TBC1D22A: variants seen among roughly 807,000 people sequenced by gnomAD.
TBC1D22A encodes the protein putative GTPase activator.
TBC1D22A carries 38 observed loss-of-function variants against 60.2 expected under a neutral mutation model. The observed-to-expected ratio is 0.63, with a 90% confidence interval of 0.49 to 0.83. The LOEUF (loss-of-function observed/expected upper bound fraction) is 0.83. Ranked by LOEUF, TBC1D22A falls within the 40% of genes least tolerant of loss-of-function variation. The pLI is 0.00. For synonymous variants in TBC1D22A, 302 were observed against 281.7 expected (o/e 1.07, Z -0.72); for missense variants, 628 against 701.0 (o/e 0.90, Z 1.18).
In TBC1D22A at chr22:47,174,965, G is replaced by T. The variant is rs139909859; in HGVS notation, c.*1339G>T. 1 of 152,214 alleles carries T rather than the reference G, an allele frequency of 6.6e-6. No individual in the cohort carries two copies. Among genetic ancestry groups the T allele is most frequent in the Non-Finnish European group, 1.5e-5 (1 of 68,084 alleles). 9.4% of individuals were successfully genotyped at this position (152,214 alleles called of 1,614,324 possible). On this transcript the variant is annotated 3_prime_UTR_variant, in exon 13 of 13. Coordinates refer to ENST00000337137, the MANE Select transcript of TBC1D22A (RefSeq NM_014346.5). Reference sequence around the variant, plus strand: ...GCGGGCAGGGCCACAGCCACAGTCTGTCTGATCCCTGAGCCCAGGACAGGC... The same window carrying T: ...GCGGGCAGGGCCACAGCCACAGTCTTTCTGATCCCTGAGCCCAGGACAGGC...
chr22:47,005,189 A>C (rs942427928), intron 10 of TBC1D22A, among the ~76,000 whole-genome samples: 2 of 151,740 alleles, frequency 1.3e-5, no homozygotes, highest in African/African-American at 2.4e-5. Context: ...GTGCCTATAC[A>C]CACCTGCTAT....
intron 4 of TBC1D22A, among the ~76,000 whole-genome samples, chr22:46,840,440 C>CA (rs952484176): frequency 3.3e-5 from 5 of 151,964 alleles, no homozygotes; most frequent in Admixed American, 1.3e-4. Context: ...TGGCTCTTAC[C>CA]AAAAAAACAA....
At chr22:46,836,262 C>T (rs946231902) in intron 4 of TBC1D22A, among the ~76,000 whole-genome samples, 1 of 152,118 alleles carries the variant, frequency 6.6e-6, no homozygotes, top group African/African-American at 2.4e-5. Context: ...ACTGTAGCTA[C>T]AACATTTAGT....
At chr22:46,954,862 A>T (rs1045442295) in intron 8 of TBC1D22A, among the ~76,000 whole-genome samples, 4 of 152,220 alleles carry the variant, frequency 2.6e-5, no homozygotes, top group African/African-American at 9.7e-5. Context: ...GGAAAGGATA[A>T]ATGGATTGTA....
At chr22:47,056,670 C>T (rs2063404347) in intron 11 of TBC1D22A, among the ~76,000 whole-genome samples, 1 of 152,214 alleles carries the variant, frequency 6.6e-6, no homozygotes, top group African/African-American at 2.4e-5. Context: ...TGTGGCCACA[C>T]TCATGTCAAC....
chr22:46,982,674 T>G (rs1030814890), intron 9 of TBC1D22A, among the ~76,000 whole-genome samples: 2 of 152,172 alleles, frequency 1.3e-5, no homozygotes, highest in African/African-American at 4.8e-5. Flanking sequence ...GAACAACGAA[T>G]CGATGTCATT....
chr22:46,812,513 G>A lies in TBC1D22A; in HGVS notation c.637+14893G>A, dbSNP rs532326939. On this transcript the variant is annotated intron_variant, in intron 4 of 12. Transcript: ENST00000337137. ...ACACTGTGGGCTGCCTGGCCTCACA[G>A]CCTCGTCAGCCACTCTTCCCACCCC... Among the ~76,000 whole-genome samples, 31 of 152,318 alleles carry A rather than the reference G, an allele frequency of 2.0e-4. No homozygotes were observed. The East Asian group carries it at 6.0e-3, about 29-fold the overall frequency.
At chr22:46,972,392 C>A (rs900116723) in intron 8 of TBC1D22A, among the ~76,000 whole-genome samples, 1 of 152,192 alleles carries the variant, frequency 6.6e-6, no homozygotes, top group African/African-American at 2.4e-5. Flanking sequence ...GTGGAGACAG[C>A]CCAGGGTCTA....
In TBC1D22A at chr22:47,120,215, A is replaced by G. The variant is rs78733435; in HGVS notation, c.1425+8612A>G. Among the ~76,000 whole-genome samples, 975 of 152,322 alleles carry G rather than the reference A, an allele frequency of 6.4e-3. 10 individuals carry two copies. Among genetic ancestry groups the G allele is most frequent in the Non-Finnish European group, 0.01 (691 of 68,028 alleles). Reference sequence around the variant, plus strand: ...CAGTAGCTTTTCCTGAGTTTAATGAAAAGAAAAAAACTTCTGCCCTTAAGT... The same window carrying G: ...CAGTAGCTTTTCCTGAGTTTAATGAGAAGAAAAAAACTTCTGCCCTTAAGT... On this transcript the variant is annotated intron_variant, in intron 12 of 12. Transcript: ENST00000337137.
Position 46,974,388 on chromosome 22 carries a change from G to A in TBC1D22A, c.1114G>A (p.Asp372Asn), listed in dbSNP as rs1253653736. 1 of 1,610,872 alleles carries A rather than the reference G, an allele frequency of 6.2e-7. No individual in the cohort carries two copies. The highest frequency in any genetic ancestry group is 8.5e-7 in the Non-Finnish European group (1 of 1,178,860). Reference sequence around the variant, plus strand: ...CTACTGGTGCATGAGCAAGCTGCTGGATGGCATTCAGGTGAGCGCCCGCGC... The same window carrying A: ...CTACTGGTGCATGAGCAAGCTGCTGAATGGCATTCAGGTGAGCGCCCGCGC... ...DTYWCMSKLL[D>N]GIQDNYTFAQ... Residue 372 changes from aspartate to asparagine, a missense_variant, in exon 9 of 13, where the codon GAT (aspartate) becomes AAT (asparagine). Transcript: ENST00000337137.
chr22:46,767,660 G>A (rs535974401), intron 1 of TBC1D22A, among the ~76,000 whole-genome samples: 15 of 152,166 alleles, frequency 9.9e-5, no homozygotes, highest in Non-Finnish European at 2.2e-4. Flanking sequence ...AGGACTAGGT[G>A]GCTTAGTGGC....
chr22:47,101,499 G>A (rs1484919364), intron 11 of TBC1D22A, among the ~76,000 whole-genome samples: 1 of 152,256 alleles, frequency 6.6e-6, no homozygotes, highest in South Asian at 2.1e-4. Context: ...GCAGCGACCA[G>A]CTGCCTCAGC....
chr22:47,091,048 G>A (rs1366492071), intron 11 of TBC1D22A, among the ~76,000 whole-genome samples: 4 of 143,498 alleles, frequency 2.8e-5, no homozygotes, highest in African/African-American at 1.0e-4. Context: ...CGTCTTTGGG[G>A]GGAGTGGCCT....
At chr22:47,025,725 T>C (rs956708768) in intron 10 of TBC1D22A, among the ~76,000 whole-genome samples, 1 of 151,966 alleles carries the variant, frequency 6.6e-6, no homozygotes, top group African/African-American at 2.4e-5. Context: ...TAGTACTGAG[T>C]GTGTGCGAAG....
At chr22:47,157,062 G>A (rs9306496) in intron 12 of TBC1D22A, among the ~76,000 whole-genome samples, 28,165 of 152,214 alleles carry the variant, frequency 0.19, 3,183 homozygotes, top group African/African-American at 0.32. Flanking sequence ...GGGTGCCCCC[G>A]GTGTGCAGGT....
chr22:46,920,284 G>T (rs6009055), intron 8 of TBC1D22A, among the ~76,000 whole-genome samples: 19,263 of 151,960 alleles, frequency 0.13, 1,560 homozygotes, highest in African/African-American at 0.22. Context: ...TTGCTATATT[G>T]CCCTGGTTGG....
At chr22:47,052,805 G>A (rs887892313) in intron 11 of TBC1D22A, among the ~76,000 whole-genome samples, 1 of 152,218 alleles carries the variant, frequency 6.6e-6, no homozygotes, top group South Asian at 2.1e-4. Context: ...CCAGGCCACT[G>A]CTCCCCAATC....
At chr22:46,884,009 G>A (rs148296792) in intron 5 of TBC1D22A, among the ~76,000 whole-genome samples, 30 of 152,336 alleles carry the variant, frequency 2.0e-4, no homozygotes, top group African/African-American at 7.2e-4. Flanking sequence ...TCTGCACGTC[G>A]TGATCACTCT....
intron 11 of TBC1D22A, among the ~76,000 whole-genome samples, chr22:47,110,160 T>C (rs1297747397): frequency 6.6e-6 from 1 of 152,190 alleles, no homozygotes; most frequent in African/African-American, 2.4e-5. Flanking sequence ...TGCTTTTACC[T>C]GGAATATTTC....
Sources: allele counts gnomAD v4.1 joint callset (sites outside exome capture counted in the v4.1 genomes callset), GRCh38; gene constraint gnomAD v4.1.1; transcripts MANE v1.5; gene names NCBI Gene and HGNC (gene_info 2026-07-23, HGNC 2026-07-21).